PAIP1: variants seen among roughly 807,000 people sequenced by gnomAD.
PAIP1 encodes the protein poly(A) binding protein interacting protein 1.
Under a neutral mutation model 61.3 loss-of-function variants are expected in PAIP1, and 16 were observed. The observed-to-expected ratio is 0.26, with a 90% CI of 0.18 to 0.40. PAIP1 has a LOEUF of 0.40. Among genes scored for constraint, PAIP1 ranks in the 10% least tolerant of loss-of-function variants. The probability of loss-of-function intolerance (pLI) is 1.00; values close to 1 mark genes in which losing one functional copy is unlikely to be tolerated. For synonymous variants in PAIP1, 187 were observed against 226.2 expected, an observed-to-expected ratio of 0.83 and a Z score of 1.56; for missense variants, 416 against 600.9, an observed-to-expected ratio of 0.69 and a Z score of 3.22.
At position 43,543,075 on chromosome 5, in the gene PAIP1, C is replaced by A; in HGVS notation, c.663G>T (p.Leu221=). ...IPNFSYMGAR[L]CNYLSHHLTI... is the part of the protein sequence containing the mutation. ...TCAGATGATGGGACAGGTAATTACA[C>A]AGGCGAGCTCCCATATAAGAGAAAT... The change falls in exon 4 of 11, where the codon CTG becomes CTT. Residue 221 remains leucine (L), a synonymous_variant. Coordinates refer to ENST00000306846, the MANE Select transcript of PAIP1 (RefSeq NM_006451.5). 6.2e-7 allele frequency: 1 copy of A among 1,610,640 alleles called. No homozygotes were observed. The highest frequency in any genetic ancestry group is 8.5e-7 in the Non-Finnish European group (1 of 1,177,100).
At chr5:43,538,326 A>G (rs1237488038) in intron 5 of PAIP1, among the ~76,000 whole-genome samples, 2 of 152,164 alleles carry the variant, frequency 1.3e-5, no homozygotes. Flanking sequence ...ATACATGAAA[A>G]CTGCTAAAAA....
At position 43,556,904 on chromosome 5, in the gene PAIP1, C is replaced by T; in HGVS notation, c.-58G>A. The stretch of plus-strand genomic sequence containing the variant: ...CGCTGCCGCTGCGCTCGCGATAGGA[C>T]GCGGGGGGAAGGCGCCGCGGGTCGG... On this transcript the variant is annotated 5_prime_UTR_variant, in exon 1 of 11. Transcript: ENST00000306846. The T allele has an allele frequency of 7.5e-7, 1 of 1,331,372 alleles. No homozygotes were observed. Among genetic ancestry groups the T allele is most frequent in the East Asian group, 3.1e-5 (1 of 31,866 alleles). 82.5% of individuals were successfully genotyped at this position (1,331,372 alleles called of 1,614,324 possible).
chr5:43,538,964 G>A lies in PAIP1; in HGVS notation c.806C>T (p.Ala269Val), dbSNP rs1747279640. Residue 269 changes from alanine (A) to valine (V), a missense_variant, in exon 5 of 11, where the codon GCA becomes GTA. Ala to Val is a moderately conservative substitution (Grantham distance 64). This residue lies in a region of PAIP1 where 135 missense variants were observed against 283.9 expected (regional missense o/e 0.48). Coordinates refer to ENST00000306846, the MANE Select transcript of PAIP1 (RefSeq NM_006451.5). ...GDEVTRKRFHAFVLFLGELYL... is the reference protein window; with the variant it reads ...GDEVTRKRFHVFVLFLGELYL... The stretch of plus-strand genomic sequence containing the variant: ...AAGTTCTCCCAGAAAGAGTACAAAT[G>A]CATGAAATCGTTTTCGAGTAACTTC... 6.2e-7 allele frequency: 1 copy of A among 1,610,694 alleles called. No individual in the cohort carries two copies. Among genetic ancestry groups the A allele is most frequent in the Admixed American group, 1.7e-5 (1 of 59,992 alleles).
chr5:43,540,928 C>T (rs1480244220), intron 4 of PAIP1, among the ~76,000 whole-genome samples: 1 of 151,916 alleles, frequency 6.6e-6, no homozygotes, highest in Non-Finnish European at 1.5e-5. Flanking sequence ...AAGGCACAGC[C>T]GGGGGTGAGA....
chr5:43,553,491 A>G (rs1295706114), intron 2 of PAIP1, among the ~76,000 whole-genome samples: 2 of 152,192 alleles, frequency 1.3e-5, no homozygotes, highest in African/African-American at 4.8e-5. Flanking sequence ...TTGTTGCTGT[A>G]TCACCGGTGC....
Position 43,556,801 on chromosome 5 carries a change from T to TCCGGCC in PAIP1, c.40_45dup (p.Gly14_Arg15dup), listed in dbSNP as rs1405031249. ...CCCCCTCCGCGGCCCAGGCCCCGGC[T>TCCGGCC]CCGGCCCCGACCAGCACCTGGGGCC... On this transcript the variant is annotated inframe_insertion, in exon 1 of 11. Transcript: ENST00000306846. The TCCGGCC allele has an allele frequency of 4.1e-6, 6 of 1,453,724 alleles. No individual in the cohort carries two copies. The highest frequency in any genetic ancestry group is 4.3e-4 in the Middle Eastern group (2 of 4,638). 90.1% of individuals were successfully genotyped at this position (1,453,724 alleles called of 1,614,324 possible). A position where few individuals can be genotyped will look rare whatever the true frequency, so the allele number is the denominator to read the frequency against.
At chr5:43,527,955 A>G (rs930095145) in intron 10 of PAIP1, among the ~76,000 whole-genome samples, 9 of 152,220 alleles carry the variant, frequency 5.9e-5, no homozygotes, top group African/African-American at 1.9e-4. Flanking sequence ...ATGACAATTT[A>G]GTCACATTCC....
chr5:43,529,335 CTG>C (rs1453097256), intron 10 of PAIP1, among the ~76,000 whole-genome samples: 15 of 151,980 alleles, frequency 9.9e-5, no homozygotes, highest in Admixed American at 5.2e-4. Context: ...CAGAACTAGT[CTG>C]TGAGTTAATA....
chr5:43,534,084 C>T (rs1180696727), intron 8 of PAIP1, among the ~76,000 whole-genome samples: 1 of 152,160 alleles, frequency 6.6e-6, no homozygotes, highest in Non-Finnish European at 1.5e-5. Flanking sequence ...GCTGTGGTTT[C>T]CAACCCCACC....
chr5:43,544,440 T>C (rs1237764195), intron 3 of PAIP1, among the ~76,000 whole-genome samples: 1 of 152,180 alleles, frequency 6.6e-6, no homozygotes, highest in African/African-American at 2.4e-5. Context: ...AGCTTCTTTT[T>C]AGTGTTATAA....
chr5:43,556,806 C>G lies in PAIP1; in HGVS notation c.41G>C (p.Gly14Ala). The G allele has an allele frequency of 2.8e-6, 4 of 1,453,546 alleles. No individual in the cohort carries two copies. Among genetic ancestry groups the G allele is most frequent in the Non-Finnish European group, 9.0e-7 (1 of 1,105,936 alleles). 90.0% of individuals were successfully genotyped at this position (1,453,546 alleles called of 1,614,324 possible). Residue 14 changes from glycine (G) to alanine (A), a missense_variant, in exon 1 of 11, where the codon GGC (glycine) becomes GCC (alanine). Physicochemically the swap from Gly to Ala is moderately conservative, Grantham distance 60 (BLOSUM62 0). Transcript: ENST00000306846. Reference sequence around the variant, plus strand: ...TCCGCGGCCCAGGCCCCGGCTCCGGCCCCGACCAGCACCTGGGGCCCGATC... The same window carrying G: ...TCCGCGGCCCAGGCCCCGGCTCCGGGCCCGACCAGCACCTGGGGCCCGATC... ...GFDRAPGAGR[G>A]RSRGLGRGGG...
At chr5:43,542,896 A>T in intron 4 of PAIP1, 108 bp downstream of exon 4, 1 of 605,246 alleles carries the variant, frequency 1.7e-6, no homozygotes, top group Admixed American at 2.9e-5. Flanking sequence ...ACATAAGAAT[A>T]GGCTGCCCTA....
At chr5:43,541,447 C>T in intron 4 of PAIP1, among the ~76,000 whole-genome samples, 1 of 149,526 alleles carries the variant, frequency 6.7e-6, no homozygotes, top group Non-Finnish European at 1.5e-5. Context: ...CCACTGTGCC[C>T]CACCTATCAT....
intron 3 of PAIP1, among the ~76,000 whole-genome samples, chr5:43,543,853 G>T (rs1384414327): frequency 4.6e-5 from 7 of 152,064 alleles, no homozygotes; most frequent in Non-Finnish European, 1.0e-4. Flanking sequence ...ACATTAAAAG[G>T]TTAAGAAGTC....
chr5:43,534,231 C>G (rs1747056325), intron 8 of PAIP1, among the ~76,000 whole-genome samples: 2 of 151,818 alleles, frequency 1.3e-5, no homozygotes, highest in South Asian at 4.2e-4. Context: ...CAGAGTTGTG[C>G]TCTTGTTGCC....
intron 3 of PAIP1, among the ~76,000 whole-genome samples, chr5:43,544,973 T>C (rs915292183): frequency 1.3e-5 from 2 of 152,234 alleles, no homozygotes; most frequent in African/African-American, 4.8e-5. Context: ...CCCTGCTTAA[T>C]TTCACCCCAC....
At chr5:43,535,700 A>G in intron 6 of PAIP1, 60 bp from the exon 7 acceptor site, 1 of 888,340 alleles carries the variant, frequency 1.1e-6, no homozygotes, top group Non-Finnish European at 1.8e-6. Flanking sequence ...AAATTCTAAA[A>G]AGATACCAGT....
chr5:43,556,287 G>A (rs945017779), intron 1 of PAIP1: 10 of 1,264,672 alleles, frequency 7.9e-6, no homozygotes, highest in African/African-American at 3.1e-5. Flanking sequence ...TACTCGCTAG[G>A]GTCTCGCTTT....
chr5:43,548,728 T>C (rs1052641049), intron 2 of PAIP1, among the ~76,000 whole-genome samples: 3 of 152,196 alleles, frequency 2.0e-5, no homozygotes, highest in Non-Finnish European at 2.9e-5. Flanking sequence ...CTTTAAAGTT[T>C]ACCAAACAGT....
Sources: allele counts gnomAD v4.1 joint callset (sites outside exome capture counted in the v4.1 genomes callset), GRCh38; gene constraint gnomAD v4.1.1; regional missense constraint gnomAD v4.1.1; transcripts MANE v1.5; gene names NCBI Gene and HGNC (gene_info 2026-07-23, HGNC 2026-07-21).